The following PRMT8 variants were observed in gnomAD, a reference collection of about 807,000 sequenced individuals.
The protein encoded by PRMT8 is protein arginine N-methyltransferase 8.
Under a neutral mutation model 47.1 loss-of-function variants are expected in PRMT8, and 7 were observed. The observed-to-expected ratio is 0.15, with a 90% CI of 0.08 to 0.28. The LOEUF is 0.28. PRMT8 is among the 10% of genes least tolerant of loss of function. The pLI, the probability that PRMT8 is intolerant of heterozygous loss-of-function variation, is 1.00. For missense variants in PRMT8, 237 were observed against 505.4 expected (o/e 0.47, Z 5.09); for synonymous variants, 188 against 186.5 (o/e 1.01, Z -0.07).
intron 1 of PRMT8, among the ~76,000 whole-genome samples, chr12:3,467,239 C>CA (rs10694948): frequency 0.52 from 25,686 of 49,028 alleles, 8,176 homozygotes; most frequent in South Asian, 0.67. Flanking sequence ...GACTCCATCT[C>CA]AAAAAAAAAA....
chr12:3,410,420 C>T (rs1001685699), intron 1 of PRMT8, among the ~76,000 whole-genome samples: 4 of 152,154 alleles, frequency 2.6e-5, no homozygotes, highest in Non-Finnish European at 5.9e-5. Context: ...TGTATAGGTC[C>T]CATTGACTCT....
intron 1 of PRMT8, among the ~76,000 whole-genome samples, chr12:3,509,912 C>T (rs185241112): frequency 7.2e-5 from 11 of 152,314 alleles, no homozygotes; most frequent in East Asian, 3.9e-4. Context: ...GTAACCGGCA[C>T]GGCATAAGTC....
At chr12:3,458,071 G>T (rs1864995771) in intron 1 of PRMT8, among the ~76,000 whole-genome samples, 2 of 151,902 alleles carry the variant, frequency 1.3e-5, no homozygotes, top group South Asian at 4.2e-4. Flanking sequence ...TCGATTTCTT[G>T]ACCTCGTGAT....
At chr12:3,491,005 G>A (rs1211157291), upstream of PRMT8, among the ~76,000 whole-genome samples, 15 of 152,212 alleles carry the variant, frequency 9.9e-5, no homozygotes, top group East Asian at 2.9e-3. Flanking sequence ...CCCCCGCGCG[G>A]GCCTGGCCTC....
At chr12:3,392,789 T>C (rs1378880344) in intron 1 of PRMT8, among the ~76,000 whole-genome samples, 1 of 151,776 alleles carries the variant, frequency 6.6e-6, no homozygotes, top group African/African-American at 2.4e-5. Context: ...ATCGCCACAC[T>C]GACTTCCACA....
In PRMT8 at chr12:3,522,431, C is replaced by T. The variant is rs143230879; in HGVS notation, c.76-18175C>T. Among the ~76,000 whole-genome samples the T allele has an allele frequency of 3.6e-3, 545 of 152,026 alleles. 4 individuals are homozygous for T. The highest frequency in any genetic ancestry group is 0.012 in the African/African-American group (517 of 41,458). Reference sequence around the variant, plus strand: ...CTGTAATCCCAGCTCTTTGGGAGGCCGAGGTGGGAGGATCACAAGGTCAGG... The same window carrying T: ...CTGTAATCCCAGCTCTTTGGGAGGCTGAGGTGGGAGGATCACAAGGTCAGG... On this transcript the variant is annotated intron_variant, in intron 1 of 9. Coordinates refer to ENST00000382622, the MANE Select transcript of PRMT8 (RefSeq NM_019854.5).
rs181667161 is a variant in PRMT8, at chr12:3,456,549, C to T, written c.48+75107C>T. ...ATCTGTTGTGCAGCCCGATCATCCC[C>T]CAATTCACCAACAGCCTTCTCCTCG... On this transcript the variant is annotated intron_variant, in intron 1 of 9. Transcript: ENST00000452611. The surrounding 1 kb of genome is among the most constrained non-coding windows in gnomAD (Gnocchi z 4.2). 2.0e-4 allele frequency among the ~76,000 whole-genome samples: 30 copies of T among 152,318 alleles called. No homozygotes were observed. The highest frequency in any genetic ancestry group is 8.5e-4 in the Admixed American group (13 of 15,310).
intron 4 of PRMT8, among the ~76,000 whole-genome samples, chr12:3,562,886 C>A (rs193265080): frequency 6.6e-6 from 1 of 152,210 alleles, no homozygotes; most frequent in East Asian, 1.9e-4. Flanking sequence ...GAGAGTGAAA[C>A]CATTCCAGAT....
At chr12:3,459,196 C>A (rs1865009692) in intron 1 of PRMT8, among the ~76,000 whole-genome samples, 1 of 152,120 alleles carries the variant, frequency 6.6e-6, no homozygotes, top group Non-Finnish European at 1.5e-5. Flanking sequence ...GGTAAAGTTA[C>A]CAGACTTTCA....
intron 4 of PRMT8, among the ~76,000 whole-genome samples, chr12:3,556,026 G>A (rs946705631): frequency 1.3e-5 from 2 of 151,908 alleles, no homozygotes; most frequent in Non-Finnish European, 2.9e-5. Flanking sequence ...CTGGGTGGAT[G>A]GTGGTTGGCT....
chr12:3,440,042 T>G (rs1864782672), intron 1 of PRMT8, among the ~76,000 whole-genome samples: 2 of 152,232 alleles, frequency 1.3e-5, no homozygotes, highest in Non-Finnish European at 2.9e-5. Context: ...CACTTCTCTG[T>G]GCGTCATCTT....
rs1347610439 is a variant in PRMT8 at position 3,569,793 on chromosome 12, T to G, written c.712+229T>G. On this transcript the variant is annotated intron_variant, in intron 6 of 9. Transcript: ENST00000382622. The surrounding 1 kb of genome is among the most constrained non-coding windows in gnomAD (Gnocchi z 8.2). The stretch of plus-strand genomic sequence containing the variant: ...CCATATGGCTGGGATGAGAGAAATG[T>G]CCTGGGGTGAAAGAATGAATGCAAT... Among the ~76,000 whole-genome samples the G allele has an allele frequency of 1.3e-5, 2 of 152,172 alleles. No individual in the cohort carries two copies. Among genetic ancestry groups the G allele is most frequent in the African/African-American group, 2.4e-5 (1 of 41,434 alleles).
chr12:3,485,390 T>C (rs1268486388), intron 1 of PRMT8, among the ~76,000 whole-genome samples: 3 of 152,212 alleles, frequency 2.0e-5, no homozygotes, highest in African/African-American at 7.2e-5. Flanking sequence ...TTGTTCCAGC[T>C]ACAGTCTTAG....
At chr12:3,549,852 G>T (rs1014244784) in intron 2 of PRMT8, 84 bp from the exon 3 acceptor site, 18 of 1,512,574 alleles carry the variant, frequency 1.2e-5, no homozygotes, top group Non-Finnish European at 1.6e-5. Flanking sequence ...GGGTCACCTG[G>T]GGTGGTCCAG....
At chr12:3,518,261 G>T (rs1169544592) in intron 1 of PRMT8, among the ~76,000 whole-genome samples, 1 of 152,144 alleles carries the variant, frequency 6.6e-6, no homozygotes, top group Admixed American at 6.5e-5. Flanking sequence ...AGAACAACGT[G>T]AGAAGGACAT....
At chr12:3,410,291 C>T (rs539888238) in intron 1 of PRMT8, among the ~76,000 whole-genome samples, 48 of 152,298 alleles carry the variant, frequency 3.2e-4, no homozygotes, top group Non-Finnish European at 6.0e-4. Context: ...GATGGTTTCT[C>T]AGTCCCCTGG....
rs1259084404 is a variant in PRMT8 at position 3,591,260 on chromosome 12, G to C, written c.980-971G>C. Among the ~76,000 whole-genome samples the C allele has an allele frequency of 2.0e-5, 3 of 152,098 alleles. No homozygotes were observed. In the East Asian group the frequency reaches 5.8e-4, roughly 29 times the overall value. On this transcript the variant is annotated intron_variant, in intron 8 of 9. Coordinates refer to ENST00000382622, the MANE Select transcript of PRMT8 (RefSeq NM_019854.5). ...TTGGGTCATACAGGATGAATGAGCT[G>C]TGGGCCAGCATTAGGGCTGTGGAAC...
intron 1 of PRMT8, among the ~76,000 whole-genome samples, chr12:3,398,158 A>C (rs1256424014): frequency 1.3e-5 from 2 of 151,992 alleles, no homozygotes; most frequent in Non-Finnish European, 2.9e-5. Flanking sequence ...TGCAGAAATC[A>C]CCCGTTTTCT....
intron 1 of PRMT8, among the ~76,000 whole-genome samples, chr12:3,452,644 A>G (rs10848863): frequency 0.61 from 92,872 of 152,044 alleles, 31,273 homozygotes; most frequent in South Asian, 0.8. Flanking sequence ...GCAGTTGTAT[A>G]GCCCAGAAGC....
Sources: gnomAD v4.1 joint callset for allele counts (sites outside exome capture counted in the v4.1 genomes callset) on GRCh38, gnomAD v4.1.1 for gene constraint, Gnocchi (gnomAD v3.1) non-coding constraint, MANE v1.5 for transcripts, NCBI Gene and HGNC (gene_info 2026-07-23, HGNC 2026-07-21) for gene names.